Variants in ARHGAP44 observed in about 807,000 individuals in gnomAD.
ARHGAP44 encodes rho GTPase-activating protein 44.
Under a neutral mutation model 106.8 loss-of-function variants are expected in ARHGAP44, and 43 were observed. That is an observed-to-expected ratio of 0.40 (90% CI 0.32 to 0.52). ARHGAP44 has a LOEUF of 0.52. ARHGAP44 is among the 20% of genes least tolerant of loss of function. The pLI, the probability that ARHGAP44 is intolerant of heterozygous loss-of-function variation, is 0.48. For synonymous variants in ARHGAP44, 439 were observed against 410.3 expected (o/e 1.07, Z -0.85); for missense variants, 866 against 1,050.5 (o/e 0.82, Z 2.43).
At chr17:12,912,736 GAAGA>G (rs1266027038) in intron 4 of ARHGAP44, among the ~76,000 whole-genome samples, 1 of 152,162 alleles carries the variant, frequency 6.6e-6, no homozygotes, top group Non-Finnish European at 1.5e-5. Context: ...AGCAGCAATG[GAAGA>G]AAGAAGGTTA....
At chr17:12,951,250 C>G (rs1016544900) in intron 12 of ARHGAP44, among the ~76,000 whole-genome samples, 1 of 152,030 alleles carries the variant, frequency 6.6e-6, no homozygotes, top group Non-Finnish European at 1.5e-5. Flanking sequence ...TGACAAGAAC[C>G]CTATGAAGTG....
rs368836830 is a variant in ARHGAP44, at chr17:12,922,029, A to G, written c.464+2198A>G. 1.7e-3 allele frequency among the ~76,000 whole-genome samples: 255 copies of G among 152,306 alleles called. 1 individual carries two copies. The highest frequency in any genetic ancestry group is 5.8e-3 in the African/African-American group (239 of 41,560). ...TGATTTTTGCCATCTGTGTCGATAC[A>G]TCTTTTAAGAGAGTTGATTACTTTT... On this transcript the variant is annotated intron_variant, in intron 6 of 20. Coordinates refer to ENST00000379672, the MANE Select transcript of ARHGAP44 (RefSeq NM_014859.6).
intron 16 of ARHGAP44, among the ~76,000 whole-genome samples, chr17:12,969,216 G>A (rs2039467009): frequency 6.6e-6 from 1 of 152,162 alleles, no homozygotes; most frequent in Admixed American, 6.5e-5. Context: ...ATCATGCTGT[G>A]CCTGATGTCA....
intron 7 of ARHGAP44, among the ~76,000 whole-genome samples, chr17:12,930,043 A>G (rs916637743): frequency 1.3e-5 from 2 of 152,180 alleles, no homozygotes; most frequent in Non-Finnish European, 2.9e-5. Flanking sequence ...CTCCCAGCCT[A>G]CAGTACTATG....
chr17:12,932,732 T>C (rs980579622), intron 7 of ARHGAP44, among the ~76,000 whole-genome samples: 1 of 151,776 alleles, frequency 6.6e-6, no homozygotes, highest in Non-Finnish European at 1.5e-5. Context: ...TCCAGATAGA[T>C]AGTCAGTTAT....
At chr17:12,980,037 T>C (rs764248830) in intron 18 of ARHGAP44, 21 bp from the exon 19 acceptor site, 1 of 1,583,826 alleles carries the variant, frequency 6.3e-7, no homozygotes, top group Non-Finnish European at 8.6e-7. Context: ...TTTTCTTTTG[T>C]CTCATGTGCT....
Position 12,916,086 on chromosome 17 carries a change from C to T in ARHGAP44, c.387+75C>T, listed in dbSNP as rs1598048606. ...CAGGAGCCCCTCAATCATTCTGTTT[C>T]CAGCATTCTACTTCTTTCCCTTAAC... On this transcript the variant is annotated intron_variant, in intron 5 of 20. Coordinates refer to ENST00000379672, the MANE Select transcript of ARHGAP44 (RefSeq NM_014859.6). 7 of 1,202,386 alleles carry T rather than the reference C, an allele frequency of 5.8e-6. 1 individual carries two copies. The South Asian group carries it at 9.3e-5, about 16-fold the overall frequency. 74.5% of individuals were successfully genotyped at this position (1,202,386 alleles called of 1,614,324 possible).
intron 1 of ARHGAP44, among the ~76,000 whole-genome samples, chr17:12,852,643 G>A (rs1039528856): frequency 4.6e-5 from 7 of 151,142 alleles, no homozygotes; most frequent in East Asian, 2.0e-4. Flanking sequence ...CTGGGTTCAC[G>A]CCGTTCTCCT....
chr17:12,838,924 C>A (rs1338724427), intron 1 of ARHGAP44, among the ~76,000 whole-genome samples: 1 of 152,080 alleles, frequency 6.6e-6, no homozygotes, highest in Non-Finnish European at 1.5e-5. Context: ...CCAGGCTAGT[C>A]TGGAACTCCT....
intron 5 of ARHGAP44, among the ~76,000 whole-genome samples, chr17:12,918,080 C>T (rs76264323): frequency 0.036 from 5,490 of 152,260 alleles, 308 homozygotes; most frequent in African/African-American, 0.11. Context: ...GGAGCATTCA[C>T]GAGGTCCCCT....
chr17:12,792,414 G>C (rs1300821628), intron 1 of ARHGAP44, among the ~76,000 whole-genome samples: 1 of 151,308 alleles, frequency 6.6e-6, no homozygotes, highest in East Asian at 2.0e-4. Context: ...ATGCCGTTTA[G>C]ACTACTGACT....
intron 1 of ARHGAP44, among the ~76,000 whole-genome samples, chr17:12,841,594 T>TCTCTCTCTCTCTCTCTCACA (rs1417307080): frequency 1.6e-5 from 2 of 126,516 alleles, no homozygotes; most frequent in East Asian, 2.6e-4. Flanking sequence ...TGTCTCTCTC[T>TCTCTCTCTCTCTCTCTCACA]CACACACACA....
At chr17:12,913,888 G>T (rs1261477982) in intron 4 of ARHGAP44, among the ~76,000 whole-genome samples, 1 of 149,018 alleles carries the variant, frequency 6.7e-6, no homozygotes, top group Non-Finnish European at 1.5e-5. Context: ...AGAATTGCTT[G>T]CACCCGGGAG....
rs376001946 is a variant in ARHGAP44, at chr17:12,945,233, C to T, written c.861+1037C>T. Among the ~76,000 whole-genome samples the T allele has an allele frequency of 1.3e-3, 203 of 151,782 alleles. 7 individuals are homozygous for T. In the South Asian group the frequency reaches 0.041, roughly 30 times the overall value. ...ATATGTTGGCCAGGCTAGTCTTGAA[C>T]TCCTGACCTCAAGTGATCTGCCCAC... is the stretch of plus-strand genomic sequence containing the variant. On this transcript the variant is annotated intron_variant, in intron 10 of 20. Coordinates refer to ENST00000379672, the MANE Select transcript of ARHGAP44 (RefSeq NM_014859.6).
At chr17:12,885,445 A>G (rs1457079471) in intron 1 of ARHGAP44, among the ~76,000 whole-genome samples, 2 of 151,762 alleles carry the variant, frequency 1.3e-5, no homozygotes, top group African/African-American at 2.4e-5. Flanking sequence ...TGTTTTCTAC[A>G]TCGGCTGTAC....
At chr17:12,907,522 GTC>G (rs1567680020) in intron 3 of ARHGAP44, among the ~76,000 whole-genome samples, 1 of 152,196 alleles carries the variant, frequency 6.6e-6, no homozygotes, top group Non-Finnish European at 1.5e-5. Context: ...TCTACTTTCT[GTC>G]TCTGTGAATT....
intron 12 of ARHGAP44, among the ~76,000 whole-genome samples, chr17:12,952,250 C>T (rs1340486807): frequency 2.0e-5 from 3 of 152,176 alleles, no homozygotes; most frequent in Non-Finnish European, 4.4e-5. Context: ...CAGAGCAGGT[C>T]TCTGGCTCTG....
At chr17:12,864,890 G>A (rs2036189277) in intron 1 of ARHGAP44, among the ~76,000 whole-genome samples, 1 of 152,148 alleles carries the variant, frequency 6.6e-6, no homozygotes. Context: ...TCTGAAAGAT[G>A]AAGGGGAAGA....
chr17:12,851,655 G>A (rs2035745643), intron 1 of ARHGAP44, among the ~76,000 whole-genome samples: 2 of 152,014 alleles, frequency 1.3e-5, no homozygotes, highest in East Asian at 1.9e-4. Flanking sequence ...GGCTGGTCTC[G>A]AACTCCTGAC....
Sources: gnomAD v4.1 joint callset for allele counts (sites outside exome capture counted in the v4.1 genomes callset) on GRCh38, gnomAD v4.1.1 for gene constraint, MANE v1.5 for transcripts, NCBI Gene and HGNC (gene_info 2026-07-23, HGNC 2026-07-21) for gene names.